Variants in PPID observed in about 807,000 individuals in gnomAD.
PPID encodes the protein peptidyl-prolyl cis-trans isomerase D.
A neutral mutation model predicts 48.1 loss-of-function variants in PPID; 47 were observed. That is an observed-to-expected ratio of 0.98 (90% CI 0.77 to 1.25). The LOEUF (loss-of-function observed/expected upper bound fraction) is 1.25, where lower values mean the gene tolerates loss of function less well. PPID is among the 50% of genes most tolerant of loss of function. The pLI, the probability that PPID is intolerant of heterozygous loss-of-function variation, is 0.00. For synonymous variants in PPID, 163 were observed against 148.8 expected, an observed-to-expected ratio of 1.10 and a Z score of -0.69; for missense variants, 429 against 443.5, an observed-to-expected ratio of 0.97 and a Z score of 0.29.
At chr4:158,719,058 C>T (rs1046764626) in intron 3 of PPID, 122 bp downstream of exon 3, 9 of 612,462 alleles carry the variant, frequency 1.5e-5, no homozygotes, top group African/African-American at 1.3e-4. Context: ...AAAGTGATTC[C>T]TATTACAAGA....
Position 158,718,003 on chromosome 4 carries a change from A to G in PPID, c.334-803T>C, listed in dbSNP as rs114895588. On this transcript the variant is annotated intron_variant, in intron 3 of 9. Coordinates refer to ENST00000307720, the MANE Select transcript of PPID (RefSeq NM_005038.3). Reference sequence around the variant, plus strand: ...TCATGACACCCCCCACCCCACCAAAATGCCTTTTACTCCCCTCAGTCTAAA... The same window carrying G: ...TCATGACACCCCCCACCCCACCAAAGTGCCTTTTACTCCCCTCAGTCTAAA... Among the ~76,000 whole-genome samples the G allele has an allele frequency of 2.8e-3, 422 of 152,154 alleles. 5 individuals are homozygous for G. Among genetic ancestry groups the G allele is most frequent in the African/African-American group, 9.6e-3 (398 of 41,492 alleles).
At chr4:158,723,038 T>A (rs528047845) in intron 1 of PPID, among the ~76,000 whole-genome samples, 166 bp downstream of exon 1, 1 of 152,368 alleles carries the variant, frequency 6.6e-6, no homozygotes, top group South Asian at 2.1e-4. Context: ...TGGATCGATC[T>A]AGCCCTAGAT....
At chr4:158,721,322 A>T (rs774537416) in intron 2 of PPID, 21 bp downstream of exon 2, 16 of 1,611,376 alleles carry the variant, frequency 9.9e-6, no homozygotes, top group African/African-American at 1.3e-5. Context: ...GAATAACAAG[A>T]TTAAGAAAAT....
chr4:158,715,210 T>G, intron 6 of PPID, 87 bp downstream of exon 6: 1 of 1,120,896 alleles, frequency 8.9e-7, no homozygotes, highest in Non-Finnish European at 1.2e-6. Context: ...CACAAGTAAT[T>G]TGCAAAAATA....
At position 158,710,688 on chromosome 4, in the gene PPID, C is replaced by G. The variant is rs370127943; in HGVS notation, c.982-18G>C. The stretch of plus-strand genomic sequence containing the variant: ...AGATCAGCCTTTAATTGGAAAAAAA[C>G]ATTTAAGTTAGGTGTATGATTTATA... On this transcript the variant is annotated intron_variant, in intron 8 of 9. Transcript: ENST00000307720. The G allele has an allele frequency of 3.7e-6, 6 of 1,612,868 alleles. No homozygotes were observed. Among genetic ancestry groups the G allele is most frequent in the African/African-American group, 2.7e-5 (2 of 74,828 alleles).
chr4:158,711,104 G>A (rs2126326836), intron 7 of PPID, among the ~76,000 whole-genome samples: 1 of 152,298 alleles, frequency 6.6e-6, no homozygotes. Context: ...GAATGGGCCT[G>A]AACTAACACT....
intron 3 of PPID, among the ~76,000 whole-genome samples, chr4:158,718,394 A>G (rs1774904628): frequency 6.6e-6 from 1 of 152,230 alleles, no homozygotes; most frequent in Non-Finnish European, 1.5e-5. Flanking sequence ...GTATATAGAC[A>G]GTATTAGCAA....
intron 2 of PPID, among the ~76,000 whole-genome samples, chr4:158,720,170 G>A (rs1774934590): frequency 6.6e-6 from 1 of 152,166 alleles, no homozygotes; most frequent in Non-Finnish European, 1.5e-5. Context: ...GCTAGGCATA[G>A]TAAATCACCA....
rs986943911 is a variant in PPID at position 158,715,510 on chromosome 4, A to G, written c.645+52T>C. 3.8e-6 allele frequency: 6 copies of G among 1,593,318 alleles called. No homozygotes were observed. The African/African-American group carries it at 6.7e-5, about 18-fold the overall frequency. Reference sequence around the variant, plus strand: ...CAAAAGCTCAAACTTTTAGTACTAAATATTTTCACTTACTAAATTAATTAA... The same window carrying G: ...CAAAAGCTCAAACTTTTAGTACTAAGTATTTTCACTTACTAAATTAATTAA... On this transcript the variant is annotated intron_variant, in intron 5 of 9. Coordinates refer to ENST00000307720, the MANE Select transcript of PPID (RefSeq NM_005038.3).
chr4:158,710,835 T>C lies in PPID; in HGVS notation c.908A>G (p.Asp303Gly). 2 of 1,612,308 alleles carry C rather than the reference T, an allele frequency of 1.2e-6. No homozygotes were observed. Among genetic ancestry groups the C allele is most frequent in the Non-Finnish European group, 1.7e-6 (2 of 1,178,370 alleles). Residue 303 changes from aspartate to glycine, a missense_variant, in exon 8 of 10, where the codon GAC becomes GGC. By Grantham distance (94) the Asp-to-Gly change is moderately conservative. Transcript: ENST00000307720. ...IDSCLEALEL[D>G]PSNTKALYRR... ...GTACAATGCTTTGGTATTTGATGGG[T>C]CTAGTTCAAGAGCCTACAAAAAAGT...
chr4:158,720,877 G>C (rs556202744), intron 2 of PPID, among the ~76,000 whole-genome samples: 1 of 151,880 alleles, frequency 6.6e-6, no homozygotes, highest in African/African-American at 2.4e-5. Flanking sequence ...ATCACACCCG[G>C]CTTATTTTTT....
In PPID at chr4:158,710,837, T is replaced by C. The variant is rs1561254207; in HGVS notation, c.906A>G (p.Leu302=). ...AIDSCLEALE[L]DPSNTKALYR... ...ACAATGCTTTGGTATTTGATGGGTCTAGTTCAAGAGCCTACAAAAAAGTAT... is the reference window on the plus strand; with the variant it reads ...ACAATGCTTTGGTATTTGATGGGTCCAGTTCAAGAGCCTACAAAAAAGTAT... The change falls in exon 8 of 10, where the codon CTA becomes CTG. Residue 302 remains leucine, a synonymous_variant. Coordinates refer to ENST00000307720, the MANE Select transcript of PPID (RefSeq NM_005038.3). 6.2e-6 allele frequency: 10 copies of C among 1,611,936 alleles called. No homozygotes were observed. Among genetic ancestry groups the C allele is most frequent in the Non-Finnish European group, 8.5e-6 (10 of 1,178,042 alleles).
chr4:158,717,008 T>A lies in PPID; in HGVS notation c.522+4A>T. 2 of 1,606,086 alleles carry A rather than the reference T, an allele frequency of 1.2e-6. No homozygotes were observed. Among genetic ancestry groups the A allele is most frequent in the Non-Finnish European group, 1.7e-6 (2 of 1,173,694 alleles). On this transcript the variant is annotated splice_donor_region_variant and intron_variant, in intron 4 of 9. Transcript: ENST00000307720. ...AGTGTATTTCACTGTAACTTTTTAC[T>A]TACTTTAGCAGGTTTTTCACCTTTC...
intron 7 of PPID, 67 bp from the exon 8 acceptor site, chr4:158,710,915 T>C: frequency 1.4e-6 from 2 of 1,383,586 alleles, no homozygotes; most frequent in South Asian, 2.4e-5. Flanking sequence ...TTTCAATTCA[T>C]TGCCTATCAA....
chr4:158,715,950 G>C (rs968880644), intron 4 of PPID, among the ~76,000 whole-genome samples: 2 of 152,174 alleles, frequency 1.3e-5, no homozygotes, highest in Non-Finnish European at 2.9e-5. Flanking sequence ...ATTAGGTGGG[G>C]CATGAGCTTC....
chr4:158,721,490 G>T lies in PPID; in HGVS notation c.86-7C>A. ...TCTAAGACAATTCGACCAACTAAAAGAAAAGAAAATCTTGTCAGTATGCAA... is the reference window on the plus strand; with the variant it reads ...TCTAAGACAATTCGACCAACTAAAATAAAAGAAAATCTTGTCAGTATGCAA... On this transcript the variant is annotated splice_polypyrimidine_tract_variant and splice_region_variant and intron_variant, in intron 1 of 9. Coordinates refer to ENST00000307720, the MANE Select transcript of PPID (RefSeq NM_005038.3). 1 of 1,611,260 alleles carries T rather than the reference G, an allele frequency of 6.2e-7. No homozygotes were observed. Among genetic ancestry groups the T allele is most frequent in the Non-Finnish European group, 8.5e-7 (1 of 1,179,072 alleles).
intron 6 of PPID, among the ~76,000 whole-genome samples, chr4:158,713,478 A>T (rs1774822237): frequency 6.6e-6 from 1 of 152,242 alleles, no homozygotes; most frequent in South Asian, 2.1e-4. Context: ...AGCAATTCCC[A>T]AATCTAATTA....
At chr4:158,711,045 GA>G (rs1170992871) in intron 7 of PPID, among the ~76,000 whole-genome samples, 197 bp from the exon 8 acceptor site, 1 of 152,150 alleles carries the variant, frequency 6.6e-6, no homozygotes, top group African/African-American at 2.4e-5. Context: ...GGAGGAGAAA[GA>G]CATTTCTCTA....
chr4:158,723,155 G>A (rs767255641), intron 1 of PPID, 49 bp downstream of exon 1: 5 of 1,547,188 alleles, frequency 3.2e-6, no homozygotes, highest in Non-Finnish European at 4.4e-6. Flanking sequence ...CAAATCCCGG[G>A]AACCCCCGCC....
Sources: allele counts gnomAD v4.1 joint callset (sites outside exome capture counted in the v4.1 genomes callset), GRCh38; gene constraint gnomAD v4.1.1; transcripts MANE v1.5; gene names NCBI Gene and HGNC (gene_info 2026-07-23, HGNC 2026-07-21).